Variants in ARHGEF9 observed in about 807,000 individuals in gnomAD.
ARHGEF9 encodes rho guanine nucleotide exchange factor 9.
A neutral mutation model predicts 41.3 loss-of-function variants in ARHGEF9; 2 were observed. That is an observed-to-expected ratio of 0.05 (90% CI 0.02 to 0.15). ARHGEF9 has a LOEUF of 0.15. ARHGEF9 is among the 10% of genes least tolerant of loss of function. The probability of loss-of-function intolerance (pLI) is 1.00; values close to 1 mark genes in which losing one functional copy is unlikely to be tolerated. For synonymous variants in ARHGEF9, 160 were observed against 154.4 expected, an observed-to-expected ratio of 1.04 and a Z score of -0.27; for missense variants, 225 against 424.7, an observed-to-expected ratio of 0.53 and a Z score of 4.13.
chrX:63,654,413 G>A (rs2048753927), intron 8 of ARHGEF9, among the ~76,000 whole-genome samples: 2 of 111,236 alleles, frequency 1.8e-5, no homozygotes, highest in African/African-American at 6.5e-5. Flanking sequence ...ATTGAGAGAA[G>A]TAGCCAGCAA....
chrX:63,762,730 G>A (rs1238673012), intron 1 of ARHGEF9, among the ~76,000 whole-genome samples: 1 of 111,070 alleles, frequency 9.0e-6, no homozygotes, highest in African/African-American at 3.3e-5. Context: ...CACTTATACC[G>A]GGACTTTTTT....
intron 9 of ARHGEF9, among the ~76,000 whole-genome samples, chrX:63,643,768 A>G (rs1188786850): frequency 1.8e-5 from 2 of 110,968 alleles, no homozygotes; most frequent in Non-Finnish European, 3.8e-5. Context: ...ATACTCAATG[A>G]GCTATCTTTG....
chrX:63,708,276 A>G (rs1369969621), intron 2 of ARHGEF9, among the ~76,000 whole-genome samples: 2 of 112,221 alleles, frequency 1.8e-5, no homozygotes, highest in Admixed American at 1.9e-4. Context: ...TCTGCTATGG[A>G]AAGGGTAACA....
chrX:63,636,500 T>C lies in ARHGEF9; in HGVS notation c.*1528A>G, dbSNP rs1156438064. ...TCAGACACGTTATTCAGAGGGAAAATTGCCCCTGGGCCCCTAACTCACTTG... is the reference window on the plus strand; with the variant it reads ...TCAGACACGTTATTCAGAGGGAAAACTGCCCCTGGGCCCCTAACTCACTTG... On this transcript the variant is annotated 3_prime_UTR_variant, in exon 10 of 10. Transcript: ENST00000671741. 7.8e-6 allele frequency: 1 copy of C among 128,414 alleles called. No individual in the cohort carries two copies. The highest frequency in any genetic ancestry group is 2.1e-4 in the East Asian group (1 of 4,801). 10.6% of individuals were successfully genotyped at this position (128,414 alleles called of 1,213,427 possible).
chrX:63,635,555 C>T lies in ARHGEF9; in HGVS notation c.*2473G>A. 1.1e-5 allele frequency: 5 copies of T among 454,675 alleles called. No homozygotes were observed. The highest frequency in any genetic ancestry group is 3.6e-4 in the Middle Eastern group (1 of 2,807). The allele number at this position is 454,675 out of a possible 1,213,427, so 37.5% of individuals were successfully genotyped here. A position where few individuals can be genotyped will look rare whatever the true frequency, so the allele number is the denominator to read the frequency against. Reference sequence around the variant, plus strand: ...CACTGGTCTGCTTTGATGCTATAGGCTGAGGGAATACTCCAACCAATGGGG... The same window carrying T: ...CACTGGTCTGCTTTGATGCTATAGGTTGAGGGAATACTCCAACCAATGGGG... On this transcript the variant is annotated 3_prime_UTR_variant, in exon 10 of 10. Transcript: ENST00000671741.
intron 8 of ARHGEF9, among the ~76,000 whole-genome samples, chrX:63,653,694 GTTAT>G (rs2048695264): frequency 9.0e-6 from 1 of 111,284 alleles, no homozygotes; most frequent in African/African-American, 3.3e-5. Flanking sequence ...GTTAACACTG[GTTAT>G]TTCATTCAGT....
chrX:63,648,972 A>G (rs1458415366), intron 8 of ARHGEF9, among the ~76,000 whole-genome samples: 1 of 111,446 alleles, frequency 9.0e-6, no homozygotes, highest in Non-Finnish European at 1.9e-5. Context: ...AGATCTACAA[A>G]GAGACTTAGA....
At chrX:63,721,679 C>T (rs2053642297) in intron 2 of ARHGEF9, among the ~76,000 whole-genome samples, 1 of 111,340 alleles carries the variant, frequency 9.0e-6, no homozygotes, top group South Asian at 3.8e-4. Context: ...GAGACACAAT[C>T]ATATCCTAGC....
At chrX:63,705,435 A>C (rs2052475007) in intron 3 of ARHGEF9, among the ~76,000 whole-genome samples, 1 of 105,478 alleles carries the variant, frequency 9.5e-6, no homozygotes, top group African/African-American at 3.5e-5. Flanking sequence ...TTCATTTCCC[A>C]TTGGTTTTCC....
intron 4 of ARHGEF9, among the ~76,000 whole-genome samples, chrX:63,686,324 A>T (rs145447946): frequency 9.0e-6 from 1 of 111,533 alleles, no homozygotes; most frequent in African/African-American, 3.3e-5. Flanking sequence ...ATTTGAACAC[A>T]TGGAGGTAGA....
At chrX:63,712,541 C>CATAT (rs781856587) in intron 2 of ARHGEF9, among the ~76,000 whole-genome samples, 1 of 110,536 alleles carries the variant, frequency 9.0e-6, no homozygotes, top group Non-Finnish European at 1.9e-5. Flanking sequence ...TATGTGTATA[C>CATAT]ATATATATAT....
intron 4 of ARHGEF9, among the ~76,000 whole-genome samples, chrX:63,689,093 G>A (rs2051164177): frequency 9.0e-6 from 1 of 111,015 alleles, no homozygotes; most frequent in Admixed American, 9.6e-5. Context: ...AAAACAATCA[G>A]AAAATAATAA....
At position 63,715,559 on chromosome X, in the gene ARHGEF9, G is replaced by T. The variant is rs2053239094; in HGVS notation, c.210+8973C>A. On this transcript the variant is annotated intron_variant, in intron 2 of 9. Transcript: ENST00000671741. ...ACAAGTTAAAGGCAAGTCTGGCAGG[G>T]TCTCATTTACTTTCTGATCCTCCAG... Among the ~76,000 whole-genome samples the T allele has an allele frequency of 2.7e-5, 3 of 112,175 alleles. No homozygotes were observed. The South Asian group carries it at 1.1e-3, about 42-fold the overall frequency.
At chrX:63,782,101 A>G (rs2056390620) in intron 1 of ARHGEF9, among the ~76,000 whole-genome samples, 1 of 111,052 alleles carries the variant, frequency 9.0e-6, no homozygotes, top group Admixed American at 9.6e-5. Flanking sequence ...GACATAGTGT[A>G]TATTCATTTC....
intron 3 of ARHGEF9, among the ~76,000 whole-genome samples, chrX:63,698,490 T>C (rs1251946932): frequency 1.8e-5 from 2 of 111,662 alleles, no homozygotes; most frequent in Admixed American, 9.5e-5. Flanking sequence ...GAAATTATAG[T>C]CATTTGCTTT....
intron 8 of ARHGEF9, 50 bp from the exon 9 acceptor site, chrX:63,644,098 C>T (rs1556309763): frequency 1.0e-6 from 1 of 979,866 alleles, no homozygotes. Flanking sequence ...CACACCCTTA[C>T]TGAGTGTATA....
At chrX:63,728,834 G>C (rs1238333452) in intron 1 of ARHGEF9, among the ~76,000 whole-genome samples, 1 of 111,452 alleles carries the variant, frequency 9.0e-6, no homozygotes, top group Non-Finnish European at 1.9e-5. Context: ...TTAAAGGATG[G>C]GTAGGATGGT....
intron 9 of ARHGEF9, chrX:63,639,400 A>T (rs1294955725): frequency 8.9e-6 from 1 of 112,100 alleles, no homozygotes; most frequent in Non-Finnish European, 1.9e-5. Context: ...TGAAATCATT[A>T]CAGATTCACA....
At chrX:63,685,068 G>A (rs1447066090) in intron 4 of ARHGEF9, among the ~76,000 whole-genome samples, 2 of 110,870 alleles carry the variant, frequency 1.8e-5, no homozygotes, top group Non-Finnish European at 3.8e-5. Context: ...ATGGGGACTA[G>A]AGTCAACATT....
Sources: allele counts gnomAD v4.1 joint callset (sites outside exome capture counted in the v4.1 genomes callset), GRCh38; gene constraint gnomAD v4.1.1; transcripts MANE v1.5; gene names NCBI Gene and HGNC (gene_info 2026-07-23, HGNC 2026-07-21).